KIF3C: variants seen among roughly 807,000 people sequenced by gnomAD.
KIF3C encodes the protein kinesin family member 3C.
KIF3C carries 12 observed loss-of-function variants against 67.7 expected under a neutral mutation model. The ratio of observed to expected loss-of-function variants is 0.18; its 90% CI spans 0.11 to 0.29. The LOEUF is 0.29. Among genes scored for constraint, KIF3C ranks in the 10% least tolerant of loss-of-function variants. The pLI is 1.00. For synonymous variants in KIF3C, 393 were observed against 426.2 expected (o/e 0.92, Z 0.96); for missense variants, 789 against 1,059.6 (o/e 0.74, Z 3.55).
At position 25,955,366 on chromosome 2, in the gene KIF3C, AC is replaced by A. The variant is rs1333504278; in HGVS notation, c.1770+174del. Among the ~76,000 whole-genome samples the A allele has an allele frequency of 6.7e-6, 1 of 150,282 alleles. No homozygotes were observed. Among genetic ancestry groups the A allele is most frequent in the Non-Finnish European group, 1.5e-5 (1 of 67,542 alleles). ...GGCCCAGGAGAAAAGGCTCTACTCCACCCCCAGCCCCCGCCTCCTGCCTCCC... is the reference window on the plus strand; with the variant it reads ...GGCCCAGGAGAAAAGGCTCTACTCCACCCCAGCCCCCGCCTCCTGCCTCCC... On this transcript the variant is annotated intron_variant, in intron 3 of 7. Coordinates refer to ENST00000264712, the MANE Select transcript of KIF3C (RefSeq NM_002254.8). The surrounding 1 kb of genome is among the most constrained non-coding windows in gnomAD (Gnocchi z 5.0).
intron 1 of KIF3C, among the ~76,000 whole-genome samples, chr2:25,977,438 G>A (rs72856507): frequency 0.13 from 20,037 of 152,152 alleles, 1,448 homozygotes; most frequent in African/African-American, 0.18. Context: ...GGACAGGAGT[G>A]AGCTGCAGAT....
intron 5 of KIF3C, among the ~76,000 whole-genome samples, chr2:25,938,082 G>T (rs1001977436): frequency 4.2e-4 from 64 of 151,142 alleles, no homozygotes; most frequent in African/African-American, 1.6e-3. Context: ...TTATTTTGTG[G>T]CTGGGCACAG....
chr2:25,958,578 C>CACAAAAA lies in KIF3C; in HGVS notation c.1546-2141_1546-2135dup, dbSNP rs765870617. ...CCTGGGTGCCAGAGTGAGACTTCATCACAAAAAACAAAAAACAAAAAACAG... is the reference window on the plus strand; with the variant it reads ...CCTGGGTGCCAGAGTGAGACTTCATCACAAAAAACAAAAAACAAAAAACAAAAAACAG... On this transcript the variant is annotated intron_variant, in intron 1 of 7. Coordinates refer to ENST00000264712, the MANE Select transcript of KIF3C (RefSeq NM_002254.8). The surrounding 1 kb of genome is among the most constrained non-coding windows in gnomAD (Gnocchi z 4.5). 2.6e-5 allele frequency among the ~76,000 whole-genome samples: 4 copies of CACAAAAA among 151,328 alleles called. No homozygotes were observed. The highest frequency in any genetic ancestry group is 4.9e-5 in the African/African-American group (2 of 41,186).
Position 25,955,799 on chromosome 2 carries a change from C to T in KIF3C, c.1648-136G>A. 2.0e-6 allele frequency: 2 copies of T among 983,852 alleles called. No individual in the cohort carries two copies. Among genetic ancestry groups the T allele is most frequent in the Non-Finnish European group, 3.0e-6 (2 of 669,132 alleles). 60.9% of individuals were successfully genotyped at this position (983,852 alleles called of 1,614,324 possible). On this transcript the variant is annotated intron_variant, in intron 2 of 7. Coordinates refer to ENST00000264712, the MANE Select transcript of KIF3C (RefSeq NM_002254.8). The surrounding 1 kb of genome is among the most constrained non-coding windows in gnomAD (Gnocchi z 5.0). ...GGCCCATGGCCCACATCCACTGCTC[C>T]CACCCAATCCTGCAGAGCCCCTGGG... is the stretch of plus-strand genomic sequence containing the variant.
chr2:25,930,137 T>C, intron 5 of KIF3C, 74 bp from the exon 6 acceptor site: 1 of 1,211,396 alleles, frequency 8.3e-7, no homozygotes, highest in South Asian at 1.2e-5. Context: ...AGGACCTAAA[T>C]ATCATTCAGG....
chr2:25,976,626 T>C (rs1664423889), intron 1 of KIF3C, among the ~76,000 whole-genome samples: 1 of 152,110 alleles, frequency 6.6e-6, no homozygotes, highest in Non-Finnish European at 1.5e-5. Context: ...CTGGGCATGG[T>C]GGTGGGCACC....
chr2:25,954,925 G>A (rs747196104), intron 3 of KIF3C, among the ~76,000 whole-genome samples: 22 of 152,152 alleles, frequency 1.4e-4, no homozygotes, highest in Non-Finnish European at 2.6e-4. Flanking sequence ...GGCTGGGTCC[G>A]TGGTAACTGC....
At chr2:25,962,877 TAAAATATATATAATATAA>T in intron 1 of KIF3C, among the ~76,000 whole-genome samples, 5 of 68,622 alleles carry the variant, frequency 7.3e-5, no homozygotes, top group Non-Finnish European at 1.0e-4. Flanking sequence ...ATATAATATA[TAAAATATATATAATATAA>T]AATATATATA....
intron 1 of KIF3C, among the ~76,000 whole-genome samples, chr2:25,978,706 T>C (rs1664481340): frequency 6.6e-6 from 1 of 152,076 alleles, no homozygotes; most frequent in South Asian, 2.1e-4. Flanking sequence ...AGTGTGTTAT[T>C]GCATTTTCCT....
Position 25,955,508 on chromosome 2 carries a change from C to G in KIF3C, c.1770+33G>C. 6.2e-7 allele frequency: 1 copy of G among 1,611,554 alleles called. No homozygotes were observed. The highest frequency in any genetic ancestry group is 8.5e-7 in the Non-Finnish European group (1 of 1,178,378). Reference sequence around the variant, plus strand: ...TGGGCAGAGACTGCTGGGCCTCCAGCACACCTTAACCGGTCCTGCTGCAGC... The same window carrying G: ...TGGGCAGAGACTGCTGGGCCTCCAGGACACCTTAACCGGTCCTGCTGCAGC... On this transcript the variant is annotated intron_variant, in intron 3 of 7. Coordinates refer to ENST00000264712, the MANE Select transcript of KIF3C (RefSeq NM_002254.8). This position sits in a 1 kb window ranked among gnomAD's most constrained non-coding sequence, Gnocchi z 5.0.
At chr2:25,946,997 C>G (rs1229071722) in intron 5 of KIF3C, among the ~76,000 whole-genome samples, 2 of 151,638 alleles carry the variant, frequency 1.3e-5, no homozygotes, top group African/African-American at 4.8e-5. Flanking sequence ...ACTAAAAATA[C>G]AAAAAAATTT....
chr2:25,938,333 G>C (rs1663194272), intron 5 of KIF3C: 5 of 423,418 alleles, frequency 1.2e-5, no homozygotes, highest in Non-Finnish European at 1.4e-5. Flanking sequence ...ATTTCAGCCT[G>C]GGCGACAGAG....
intron 5 of KIF3C, among the ~76,000 whole-genome samples, chr2:25,950,934 G>GA (rs560206013): frequency 1.5e-4 from 22 of 148,148 alleles, no homozygotes; most frequent in Middle Eastern, 3.5e-3. Flanking sequence ...AGGAAGAAAG[G>GA]AAAAAAAAAA....
intron 5 of KIF3C, chr2:25,938,171 T>G (rs1574479684): frequency 2.6e-6 from 1 of 384,058 alleles, no homozygotes; most frequent in Non-Finnish European, 5.2e-6. Context: ...AAGACCAGCC[T>G]GGCCAATTTG....
intron 1 of KIF3C, among the ~76,000 whole-genome samples, chr2:25,975,334 G>A (rs904397069): frequency 7.2e-5 from 11 of 151,896 alleles, no homozygotes; most frequent in African/African-American, 2.7e-4. Context: ...CTAATTTTTT[G>A]TATTTTTTGT....
At chr2:25,971,901 C>CTTTTTTTTTTTTTTTTTT (rs1173656634) in intron 1 of KIF3C, among the ~76,000 whole-genome samples, 17 of 55,124 alleles carry the variant, frequency 3.1e-4, no homozygotes, top group Admixed American at 4.4e-4. Context: ...TTTTTTTTTA[C>CTTTTTTTTTTTTTTTTTT]TTTTTTGTAG....
In KIF3C at chr2:25,982,285, T is replaced by G; in HGVS notation, c.-368A>C. On this transcript the variant is annotated 5_prime_UTR_variant, in exon 1 of 8. Coordinates refer to ENST00000264712, the MANE Select transcript of KIF3C (RefSeq NM_002254.8). Reference sequence around the variant, plus strand: ...AAGGAAGAGGAAAATGGGATGGGGGTGGGCGGCGAGCTGTCTTCTCCTCCT... The same window carrying G: ...AAGGAAGAGGAAAATGGGATGGGGGGGGGCGGCGAGCTGTCTTCTCCTCCT... The G allele has an allele frequency of 2.5e-6, 1 of 402,710 alleles. No individual in the cohort carries two copies. The highest frequency in any genetic ancestry group is 4.4e-6 in the Non-Finnish European group (1 of 228,930). 24.9% of individuals were successfully genotyped at this position (402,710 alleles called of 1,614,324 possible). A position where few individuals can be genotyped will look rare whatever the true frequency, so the allele number is the denominator to read the frequency against.
Position 25,981,960 on chromosome 2 carries a change from TG to T in KIF3C, c.-44del. 2 of 1,469,588 alleles carry T rather than the reference TG, an allele frequency of 1.4e-6. No individual in the cohort carries two copies. Among genetic ancestry groups the T allele is most frequent in the South Asian group, 2.7e-5 (2 of 75,376 alleles). 91.0% of individuals were successfully genotyped at this position (1,469,588 alleles called of 1,614,324 possible). A position where few individuals can be genotyped will look rare whatever the true frequency, so the allele number is the denominator to read the frequency against. ...CCTGCCCCCGAGCCCCTCCGCAGCC[TG>T]GGCGGTCCTGCTATCCTGCTCGCTA... On this transcript the variant is annotated 5_prime_UTR_variant, in exon 1 of 8. Transcript: ENST00000264712. The surrounding 1 kb of genome is among the most constrained non-coding windows in gnomAD (Gnocchi z 8.2).
intron 1 of KIF3C, among the ~76,000 whole-genome samples, chr2:25,962,490 T>C (rs186097768): frequency 4.4e-4 from 67 of 151,712 alleles, no homozygotes; most frequent in African/African-American, 1.6e-3. Flanking sequence ...ATGAGTCTCC[T>C]GTCTCAGCCT....
Sources: allele counts gnomAD v4.1 joint callset (sites outside exome capture counted in the v4.1 genomes callset), GRCh38; gene constraint gnomAD v4.1.1; non-coding constraint Gnocchi (gnomAD v3.1); transcripts MANE v1.5; gene names NCBI Gene and HGNC (gene_info 2026-07-23, HGNC 2026-07-21).